The following AK2 variants were observed in gnomAD, a reference collection of about 807,000 sequenced individuals.
The protein encoded by AK2 is adenylate kinase 2, mitochondrial.
A neutral mutation model predicts 24.6 loss-of-function variants in AK2; 15 were observed. The observed-to-expected ratio is 0.61, with a 90% CI of 0.41 to 0.94. The LOEUF (loss-of-function observed/expected upper bound fraction) is 0.94, where lower values mean the gene tolerates loss of function less well. Among genes scored for constraint, AK2 ranks in the 40% least tolerant of loss-of-function variants. The probability of loss-of-function intolerance (pLI) is 0.00; values close to 1 mark genes in which losing one functional copy is unlikely to be tolerated. For synonymous variants in AK2, 102 were observed against 114.0 expected, an observed-to-expected ratio of 0.90 and a Z score of 0.67; for missense variants, 257 against 304.1, an observed-to-expected ratio of 0.85 and a Z score of 1.15.
chr1:33,028,154 CTT>C (rs942559319), intron 1 of AK2, among the ~76,000 whole-genome samples: 5 of 152,182 alleles, frequency 3.3e-5, no homozygotes. Flanking sequence ...ACACTTCAAA[CTT>C]ATGCTTTAGA....
At chr1:33,018,305 T>C in intron 4 of AK2, among the ~76,000 whole-genome samples, 1 of 152,156 alleles carries the variant, frequency 6.6e-6, no homozygotes, top group Admixed American at 6.5e-5. Context: ...AATGGGTCCA[T>C]ATCATCTCAG....
chr1:33,028,069 G>A (rs1030744899), intron 1 of AK2, among the ~76,000 whole-genome samples: 1 of 152,112 alleles, frequency 6.6e-6, no homozygotes, highest in African/African-American at 2.4e-5. Context: ...TTCCTTCCAT[G>A]GTCTTTCTTC....
At chr1:33,032,687 G>A (rs987624249) in intron 1 of AK2, among the ~76,000 whole-genome samples, 1 of 152,166 alleles carries the variant, frequency 6.6e-6, no homozygotes, top group African/African-American at 2.4e-5. Context: ...GGAGAGCACA[G>A]CACCCACCAC....
chr1:33,024,924 C>T (rs566630892), intron 1 of AK2, among the ~76,000 whole-genome samples: 7 of 152,252 alleles, frequency 4.6e-5, no homozygotes, highest in South Asian at 2.1e-4. Context: ...TGGTGGCTCA[C>T]GCCTATAACC....
chr1:33,015,908 T>C (rs1639154579), intron 4 of AK2, among the ~76,000 whole-genome samples: 1 of 152,058 alleles, frequency 6.6e-6, no homozygotes, highest in Admixed American at 6.5e-5. Context: ...AAATAAAAAT[T>C]CTATTCAATT....
At chr1:33,016,863 G>A (rs1639223440) in intron 4 of AK2, among the ~76,000 whole-genome samples, 1 of 151,440 alleles carries the variant, frequency 6.6e-6, no homozygotes, top group African/African-American at 2.4e-5. Context: ...CTGCCACCAC[G>A]CCCGGCTAAT....
chr1:33,021,814 C>A, intron 2 of AK2, 111 bp from the exon 3 acceptor site: 1 of 817,780 alleles, frequency 1.2e-6, no homozygotes. Flanking sequence ...TACTAAACAG[C>A]AAGTTTTCTT....
chr1:33,022,351 C>CTTT (rs397862465), intron 2 of AK2, among the ~76,000 whole-genome samples: 125 of 112,354 alleles, frequency 1.1e-3, no homozygotes, highest in African/African-American at 2.9e-3. Context: ...TCTTCCCTCA[C>CTTT]TTTTTTTTTT....
rs1237885508 is a variant in AK2, at chr1:33,010,510, T to C, written c.*2671A>G. On this transcript the variant is annotated 3_prime_UTR_variant, in exon 6 of 6. Transcript: ENST00000672715. ...GTCTTAGAGCACTGGCTTTAAAAAA[T>C]ATTTTCACCAGTCCAGAGTAAATGA... is the stretch of plus-strand genomic sequence containing the variant. 8.7e-6 allele frequency: 6 copies of C among 692,022 alleles called. No homozygotes were observed. In the African/African-American group the frequency reaches 1.1e-4, roughly 12 times the overall value. The allele number at this position is 692,022 out of a possible 1,614,324, so 42.9% of individuals were successfully genotyped here. A position where few individuals can be genotyped will look rare whatever the true frequency, so the allele number is the denominator to read the frequency against.
intron 4 of AK2, among the ~76,000 whole-genome samples, chr1:33,016,944 A>T (rs1639230411): frequency 6.6e-6 from 1 of 151,626 alleles, no homozygotes; most frequent in African/African-American, 2.4e-5. Flanking sequence ...TGACCTCGTG[A>T]TCCACCCACC....
rs1312493149 is a variant in AK2, at chr1:33,012,841, T to C, written c.*340A>G. The C allele has an allele frequency of 4.7e-6, 6 of 1,273,056 alleles. No homozygotes were observed. The Admixed American group carries it at 9.1e-5, about 19-fold the overall frequency. The allele number at this position is 1,273,056 out of a possible 1,614,324, so 78.9% of individuals were successfully genotyped here. ...GAGCCCCAGGAGGCAGAGGTTGCCG[T>C]GAGCCAAGATCACGCCACTGCACTC... On this transcript the variant is annotated 3_prime_UTR_variant, in exon 6 of 6. Transcript: ENST00000672715.
intron 4 of AK2, among the ~76,000 whole-genome samples, chr1:33,016,941 G>A (rs533711843): frequency 1.2e-4 from 18 of 151,628 alleles, no homozygotes; most frequent in Admixed American, 5.9e-4. Flanking sequence ...TCCTGACCTC[G>A]TGATCCACCC....
At chr1:33,016,275 G>A (rs1050580716) in intron 4 of AK2, among the ~76,000 whole-genome samples, 1 of 152,052 alleles carries the variant, frequency 6.6e-6, no homozygotes, top group Non-Finnish European at 1.5e-5. Flanking sequence ...ACAGTGGCGC[G>A]GTCTCTGCTC....
intron 1 of AK2, among the ~76,000 whole-genome samples, chr1:33,028,625 G>T (rs757100810): frequency 2.4e-4 from 36 of 152,170 alleles, no homozygotes; most frequent in Non-Finnish European, 5.0e-4. Flanking sequence ...AAGAGCAGGG[G>T]TCTGAAGCCC....
At chr1:33,019,396 T>A (rs1311675722) in intron 4 of AK2, among the ~76,000 whole-genome samples, 1 of 152,202 alleles carries the variant, frequency 6.6e-6, no homozygotes, top group African/African-American at 2.4e-5. Flanking sequence ...ACGTGCTTAG[T>A]GCCTAAGAGA....
rs376396182 is a variant in AK2 at position 33,013,027 on chromosome 1, A to G, written c.*154T>C. 24 of 1,597,354 alleles carry G rather than the reference A, an allele frequency of 1.5e-5. No homozygotes were observed. Among genetic ancestry groups the G allele is most frequent in the Non-Finnish European group, 2.0e-5 (23 of 1,178,480 alleles). ...AACACACATACACACAGATGAGAGT[A>G]GCACACACGCCAAAGATACATCAAG... is the stretch of plus-strand genomic sequence containing the variant. On this transcript the variant is annotated 3_prime_UTR_variant, in exon 6 of 6. Transcript: ENST00000672715.
intron 1 of AK2, chr1:33,031,854 A>G (rs536322704): frequency 3.2e-6 from 1 of 313,878 alleles, no homozygotes; most frequent in Non-Finnish European, 6.4e-6. Context: ...GGTTTTGACC[A>G]CACCGAAGGA....
In AK2 at chr1:33,012,626, G is replaced by C. The variant is rs772420532; in HGVS notation, c.*555C>G. 15 of 1,289,540 alleles carry C rather than the reference G, an allele frequency of 1.2e-5. No individual in the cohort carries two copies. The South Asian group carries it at 1.9e-4, about 16-fold the overall frequency. The allele number at this position is 1,289,540 out of a possible 1,614,324, so 79.9% of individuals were successfully genotyped here. ...GAAGTAAACAGCTGGGCTGGGTGTAGTGGCTCACGTCTGTGATCCTGGCAC... is the reference window on the plus strand; with the variant it reads ...GAAGTAAACAGCTGGGCTGGGTGTACTGGCTCACGTCTGTGATCCTGGCAC... On this transcript the variant is annotated 3_prime_UTR_variant, in exon 6 of 6. Coordinates refer to ENST00000672715, the MANE Select transcript of AK2 (RefSeq NM_001625.4).
intron 4 of AK2, among the ~76,000 whole-genome samples, chr1:33,018,682 T>C (rs1189412477): frequency 6.6e-6 from 1 of 152,146 alleles, no homozygotes; most frequent in Non-Finnish European, 1.5e-5. Context: ...AGGGAATGAA[T>C]CTTCTCTCTT....
Sources: allele counts gnomAD v4.1 joint callset (sites outside exome capture counted in the v4.1 genomes callset), GRCh38; gene constraint gnomAD v4.1.1; transcripts MANE v1.5; gene names NCBI Gene and HGNC (gene_info 2026-07-23, HGNC 2026-07-21).